The following RETREG1 variants were observed in gnomAD, a reference collection of about 807,000 sequenced individuals.
RETREG1 encodes the protein reticulophagy regulator 1.
A neutral mutation model predicts 54.8 loss-of-function variants in RETREG1; 44 were observed. The observed-to-expected ratio is 0.80, with a 90% CI of 0.63 to 1.03. The LOEUF is 1.03. RETREG1 is among the 50% of genes least tolerant of loss of function. The probability of loss-of-function intolerance (pLI) is 0.00; values close to 1 mark genes in which losing one functional copy is unlikely to be tolerated. For missense variants in RETREG1, 554 were observed against 605.1 expected, an observed-to-expected ratio of 0.92 and a Z score of 0.89; for synonymous variants, 217 against 238.5, an observed-to-expected ratio of 0.91 and a Z score of 0.83.
chr5:16,537,708 A>G (rs1028199373), intron 3 of RETREG1, among the ~76,000 whole-genome samples: 2 of 151,890 alleles, frequency 1.3e-5, no homozygotes, highest in African/African-American at 4.8e-5. Flanking sequence ...ACCCAAAACA[A>G]AGCAAAGGAT....
At chr5:16,559,905 G>T (rs949418455) in intron 3 of RETREG1, among the ~76,000 whole-genome samples, 4 of 152,208 alleles carry the variant, frequency 2.6e-5, no homozygotes, top group African/African-American at 7.2e-5. Flanking sequence ...CCATAAAGAT[G>T]TCAATTTGGT....
At chr5:16,484,906 A>G (rs1345347881) in intron 3 of RETREG1, among the ~76,000 whole-genome samples, 1 of 152,090 alleles carries the variant, frequency 6.6e-6, no homozygotes, top group African/African-American at 2.4e-5. Context: ...TTATGCATCC[A>G]TTAACTCTAC....
At chr5:16,496,162 T>C (rs1382161081) in intron 3 of RETREG1, among the ~76,000 whole-genome samples, 1 of 152,176 alleles carries the variant, frequency 6.6e-6, no homozygotes, top group African/African-American at 2.4e-5. Flanking sequence ...TCTTACTCTC[T>C]CCAATGCATT....
intron 1 of RETREG1, among the ~76,000 whole-genome samples, chr5:16,604,931 T>A (rs1743144498): frequency 6.6e-6 from 1 of 152,294 alleles, no homozygotes; most frequent in South Asian, 2.1e-4. Context: ...AAATGGGAAA[T>A]TTCCCATAAG....
intron 3 of RETREG1, among the ~76,000 whole-genome samples, chr5:16,549,835 G>GC (rs111477896): frequency 0.055 from 8,299 of 151,898 alleles, 719 homozygotes; most frequent in African/African-American, 0.19. Context: ...GTAATAACTG[G>GC]CCCCCCAAAA....
intron 1 of RETREG1, among the ~76,000 whole-genome samples, chr5:16,576,507 C>T (rs1742323770): frequency 6.6e-6 from 1 of 151,162 alleles, no homozygotes; most frequent in East Asian, 1.9e-4. Flanking sequence ...TTTTTTGAGA[C>T]GGAGTTTCGC....
At chr5:16,610,309 T>TCA (rs1372476741) in intron 1 of RETREG1, among the ~76,000 whole-genome samples, 8 of 152,132 alleles carry the variant, frequency 5.3e-5, no homozygotes, top group Non-Finnish European at 7.3e-5. Flanking sequence ...CTCAGGCAAA[T>TCA]CACTTTCCTA....
At chr5:16,489,036 T>G (rs578006972) in intron 3 of RETREG1, among the ~76,000 whole-genome samples, 1 of 122,424 alleles carries the variant, frequency 8.2e-6, no homozygotes, top group Non-Finnish European at 1.6e-5. Flanking sequence ...TGAGCCGAGA[T>G]AGCGCCACTG....
intron 3 of RETREG1, among the ~76,000 whole-genome samples, chr5:16,499,018 A>G (rs569221478): frequency 1.6e-4 from 24 of 151,078 alleles, no homozygotes; most frequent in Non-Finnish European, 2.4e-4. Context: ...GCTCTACAAA[A>G]TTTTTTTCTT....
At chr5:16,551,792 G>C (rs1192123115) in intron 3 of RETREG1, among the ~76,000 whole-genome samples, 2 of 152,084 alleles carry the variant, frequency 1.3e-5, no homozygotes, top group Non-Finnish European at 2.9e-5. Flanking sequence ...TCATCTTGCA[G>C]TTCTGGTGGC....
chr5:16,542,611 T>C (rs1156249281), intron 3 of RETREG1, among the ~76,000 whole-genome samples: 3 of 152,212 alleles, frequency 2.0e-5, no homozygotes, highest in Non-Finnish European at 2.9e-5. Flanking sequence ...ATCTGTGTAC[T>C]AGGAATCTAT....
intron 3 of RETREG1, among the ~76,000 whole-genome samples, chr5:16,526,899 G>A (rs1316812496): frequency 6.6e-6 from 1 of 152,196 alleles, no homozygotes; most frequent in African/African-American, 2.4e-5. Flanking sequence ...TCCTTTTTGG[G>A]TACCATCTTT....
At chr5:16,579,728 GTTTC>G (rs1742432637) in intron 1 of RETREG1, among the ~76,000 whole-genome samples, 1 of 152,060 alleles carries the variant, frequency 6.6e-6, no homozygotes, top group Non-Finnish European at 1.5e-5. Flanking sequence ...TTTCCTACTG[GTTTC>G]TTTCATTTAG....
chr5:16,501,940 T>C (rs1288938540), intron 3 of RETREG1, among the ~76,000 whole-genome samples: 1 of 150,130 alleles, frequency 6.7e-6, no homozygotes, highest in African/African-American at 2.5e-5. Context: ...TTTATAACTA[T>C]AAATATTAAT....
At chr5:16,580,433 C>T (rs924005035) in intron 1 of RETREG1, among the ~76,000 whole-genome samples, 16 of 152,342 alleles carry the variant, frequency 1.1e-4, no homozygotes, top group African/African-American at 3.6e-4. Flanking sequence ...TGCAGATTTG[C>T]TTGACTGCTG....
rs1397238791 is a variant in RETREG1 at position 16,594,378 on chromosome 5, A to G, written c.320+22274T>C. Among the ~76,000 whole-genome samples, 3 of 152,228 alleles carry G rather than the reference A, an allele frequency of 2.0e-5. No individual in the cohort carries two copies. Among genetic ancestry groups the G allele is most frequent in the African/African-American group, 4.8e-5 (2 of 41,466 alleles). On this transcript the variant is annotated intron_variant, in intron 1 of 8. Coordinates refer to ENST00000306320, the MANE Select transcript of RETREG1 (RefSeq NM_001034850.3). The surrounding 1 kb of genome is among the most constrained non-coding windows in gnomAD (Gnocchi z 4.4). ...GCCAAACGTGAAATGTCATTGTTAA[A>G]TATCTTTAAATATGTAGACAACTTT... is the stretch of plus-strand genomic sequence containing the variant.
intron 3 of RETREG1, among the ~76,000 whole-genome samples, chr5:16,522,555 ACT>A (rs1285492006): frequency 6.6e-6 from 1 of 152,066 alleles, no homozygotes; most frequent in Non-Finnish European, 1.5e-5. Flanking sequence ...AATCTTAAAG[ACT>A]CTGAGAAGAG....
chr5:16,478,057 C>A lies in RETREG1; in HGVS notation c.850G>T (p.Asp284Tyr), dbSNP rs760751442. 9 of 1,610,352 alleles carry A rather than the reference C, an allele frequency of 5.6e-6. No individual in the cohort carries two copies. The highest frequency in any genetic ancestry group is 7.6e-6 in the Non-Finnish European group (9 of 1,177,980). ...ACCTTAGGACAAAGAGCTGAAAAGT[C>A]TAATTCACTGTCATCTTTGTGACTT... ...EKSHKDDSEL[D>Y]FSALCPKISL... The change falls in exon 7 of 9, where the codon GAC becomes TAC. Residue 284 changes from aspartate to tyrosine, a missense_variant. By Grantham distance (160) the Asp-to-Tyr change is radical (BLOSUM62 -3). This residue lies in a region of RETREG1 where 347 missense variants were observed against 412.3 expected (regional missense o/e 0.84). Transcript: ENST00000306320.
At chr5:16,599,037 T>C (rs984455965) in intron 1 of RETREG1, among the ~76,000 whole-genome samples, 1 of 151,920 alleles carries the variant, frequency 6.6e-6, no homozygotes, top group Non-Finnish European at 1.5e-5. Flanking sequence ...TGCGTCCCCA[T>C]CTCTACAAAA....
Sources: allele counts gnomAD v4.1 joint callset (sites outside exome capture counted in the v4.1 genomes callset), GRCh38; gene constraint gnomAD v4.1.1; regional missense constraint gnomAD v4.1.1; non-coding constraint Gnocchi (gnomAD v3.1); transcripts MANE v1.5; gene names NCBI Gene and HGNC (gene_info 2026-07-23, HGNC 2026-07-21).